EXT1: variants seen among roughly 807,000 people sequenced by gnomAD.
EXT1 encodes the protein exostosin-1.
Under a neutral mutation model 82.5 loss-of-function variants are expected in EXT1, and 20 were observed. The ratio of observed to expected loss-of-function variants is 0.24; its 90% CI spans 0.17 to 0.35. The LOEUF (loss-of-function observed/expected upper bound fraction) is 0.35. EXT1 is among the 10% of genes least tolerant of loss of function. EXT1 has a pLI of 1.00. For missense variants in EXT1, 757 were observed against 936.5 expected (o/e 0.81, Z 2.50); for synonymous variants, 348 against 350.8 (o/e 0.99, Z 0.09).
At chr8:117,875,592 T>A (rs1233790442) in intron 1 of EXT1, among the ~76,000 whole-genome samples, 1 of 152,184 alleles carries the variant, frequency 6.6e-6, no homozygotes, top group Non-Finnish European at 1.5e-5. Flanking sequence ...AAAATTGTTT[T>A]AGGCAATCCT....
chr8:117,968,931 T>C (rs1380435455), intron 1 of EXT1, among the ~76,000 whole-genome samples: 1 of 152,240 alleles, frequency 6.6e-6, no homozygotes, highest in African/African-American at 2.4e-5. Flanking sequence ...TACAGCTCTG[T>C]CTCTTCCTGA....
chr8:118,091,367 G>A (rs1817520672), intron 1 of EXT1, among the ~76,000 whole-genome samples: 1 of 152,154 alleles, frequency 6.6e-6, no homozygotes, highest in South Asian at 2.1e-4. Flanking sequence ...CTCAAGGAGG[G>A]TAAAATATAT....
At chr8:117,888,026 G>A (rs1041447907) in intron 1 of EXT1, among the ~76,000 whole-genome samples, 1 of 151,310 alleles carries the variant, frequency 6.6e-6, no homozygotes, top group Non-Finnish European at 1.5e-5. Flanking sequence ...TGGAGGTTGC[G>A]GTAAGCTGAG....
chr8:118,003,460 T>C (rs1249096981), intron 1 of EXT1, among the ~76,000 whole-genome samples: 1 of 151,974 alleles, frequency 6.6e-6, no homozygotes, highest in African/African-American at 2.4e-5. Flanking sequence ...CCATTAGAAC[T>C]TTCTGTATAA....
Position 117,895,848 on chromosome 8 carries a change from T to C in EXT1, c.963-58647A>G, listed in dbSNP as rs570882962. ...ACCCTCCTTTTTGCTCCCTGCCTAG[T>C]GCCTCCGTTCGCATCCAAAGTAACG... On this transcript the variant is annotated intron_variant, in intron 1 of 10. Transcript: ENST00000378204. 2.0e-5 allele frequency among the ~76,000 whole-genome samples: 3 copies of C among 152,300 alleles called. No homozygotes were observed. The East Asian group carries it at 5.8e-4, about 29-fold the overall frequency.
intron 1 of EXT1, among the ~76,000 whole-genome samples, chr8:118,048,350 A>T (rs1207372020): frequency 6.6e-6 from 1 of 152,158 alleles, no homozygotes; most frequent in Non-Finnish European, 1.5e-5. Flanking sequence ...CCTGGCTATA[A>T]ATTATTTAGC....
At chr8:118,071,503 G>A (rs142743022) in intron 1 of EXT1, among the ~76,000 whole-genome samples, 1 of 149,120 alleles carries the variant, frequency 6.7e-6, no homozygotes, top group East Asian at 2.0e-4. Context: ...TGGCAATGAC[G>A]ATTACCATCG....
intron 2 of EXT1, among the ~76,000 whole-genome samples, chr8:117,836,568 A>T (rs1306413943): frequency 3.3e-5 from 5 of 152,204 alleles, no homozygotes; most frequent in Non-Finnish European, 7.3e-5. Context: ...TGACTGTCTC[A>T]AGAGGACATT....
chr8:118,051,283 A>T (rs958289413), intron 1 of EXT1, among the ~76,000 whole-genome samples: 1 of 152,200 alleles, frequency 6.6e-6, no homozygotes, highest in African/African-American at 2.4e-5. Context: ...GGCTGCAGTG[A>T]GCCATGATGG....
intron 1 of EXT1, among the ~76,000 whole-genome samples, chr8:118,062,297 A>G (rs1243927882): frequency 3.9e-5 from 6 of 152,224 alleles, no homozygotes; most frequent in Non-Finnish European, 7.3e-5. Context: ...GTAAGTTTCA[A>G]TCTCCGGTTA....
At chr8:117,975,919 C>G (rs910098758) in intron 1 of EXT1, among the ~76,000 whole-genome samples, 2 of 152,216 alleles carry the variant, frequency 1.3e-5, no homozygotes, top group East Asian at 1.9e-4. Flanking sequence ...TGACCCTCGA[C>G]GCTTATATTA....
chr8:117,962,073 G>A (rs1450701679), intron 1 of EXT1, among the ~76,000 whole-genome samples: 2 of 152,086 alleles, frequency 1.3e-5, no homozygotes, highest in East Asian at 3.9e-4. Context: ...CCTCAGATTT[G>A]TGCATTTAAA....
chr8:117,925,721 A>G lies in EXT1; in HGVS notation c.963-88520T>C, dbSNP rs867718624. Among the ~76,000 whole-genome samples, 76 of 148,748 alleles carry G rather than the reference A, an allele frequency of 5.1e-4. 1 individual carries two copies. Among genetic ancestry groups the G allele is most frequent in the African/African-American group, 1.3e-3 (52 of 40,496 alleles). On this transcript the variant is annotated intron_variant, in intron 1 of 10. Coordinates refer to ENST00000378204, the MANE Select transcript of EXT1 (RefSeq NM_000127.3). ...CTGTCTCTACAAAAAAAAAAAAAAA[A>G]AAGAAAGAAAGAAAAAAAAAAAGAA...
chr8:117,916,475 C>T (rs937300594), intron 1 of EXT1, among the ~76,000 whole-genome samples: 1 of 152,154 alleles, frequency 6.6e-6, no homozygotes, highest in African/African-American at 2.4e-5. Flanking sequence ...AGGATATAGG[C>T]CTGTACTTGT....
At chr8:118,052,005 C>T (rs1816725769) in intron 1 of EXT1, among the ~76,000 whole-genome samples, 1 of 152,180 alleles carries the variant, frequency 6.6e-6, no homozygotes, top group Non-Finnish European at 1.5e-5. Context: ...GTGTCAAAGA[C>T]ACCTTTGAGA....
At chr8:117,904,076 G>A (rs901019529) in intron 1 of EXT1, among the ~76,000 whole-genome samples, 2 of 152,194 alleles carry the variant, frequency 1.3e-5, no homozygotes, top group African/African-American at 4.8e-5. Flanking sequence ...TTCTGGTTCT[G>A]CTAAGAAAAT....
At position 117,914,063 on chromosome 8, in the gene EXT1, A is replaced by T. The variant is rs555589474; in HGVS notation, c.963-76862T>A. 2.0e-5 allele frequency among the ~76,000 whole-genome samples: 3 copies of T among 152,236 alleles called. No homozygotes were observed. The South Asian group carries it at 6.2e-4, about 32-fold the overall frequency. Reference sequence around the variant, plus strand: ...ACTTCTAAGGGTAGGGTGGCGGGGTATGATTTCTTTATTTTGAACTATAAT... The same window carrying T: ...ACTTCTAAGGGTAGGGTGGCGGGGTTTGATTTCTTTATTTTGAACTATAAT... On this transcript the variant is annotated intron_variant, in intron 1 of 10. Transcript: ENST00000378204.
At chr8:117,880,620 T>G (rs1813042658) in intron 1 of EXT1, among the ~76,000 whole-genome samples, 1 of 149,902 alleles carries the variant, frequency 6.7e-6, no homozygotes, top group East Asian at 2.0e-4. Flanking sequence ...AGACAGAGTG[T>G]TGCTCTGTCA....
At chr8:117,990,964 A>C (rs1474186136) in intron 1 of EXT1, among the ~76,000 whole-genome samples, 2 of 152,164 alleles carry the variant, frequency 1.3e-5, no homozygotes, top group Admixed American at 1.3e-4. Flanking sequence ...CACTCTTTCT[A>C]ATCTTCGTAC....
Sources: gnomAD v4.1 joint callset for allele counts (sites outside exome capture counted in the v4.1 genomes callset) on GRCh38, gnomAD v4.1.1 for gene constraint, MANE v1.5 for transcripts, NCBI Gene and HGNC (gene_info 2026-07-23, HGNC 2026-07-21) for gene names.